Variants in EYA1 observed in about 807,000 individuals in gnomAD.
The protein encoded by EYA1 is EYA transcriptional coactivator and phosphatase 1.
Under a neutral mutation model 82.0 loss-of-function variants are expected in EYA1, and 16 were observed. That is an observed-to-expected ratio of 0.20 (90% CI 0.13 to 0.30). The LOEUF is 0.30. Ranked by LOEUF, EYA1 falls within the 10% of genes least tolerant of loss-of-function variation. The probability of loss-of-function intolerance (pLI) is 1.00; values close to 1 mark genes in which losing one functional copy is unlikely to be tolerated. For missense variants in EYA1, 633 were observed against 730.7 expected, an observed-to-expected ratio of 0.87 and a Z score of 1.54; for synonymous variants, 261 against 264.4, an observed-to-expected ratio of 0.99 and a Z score of 0.12.
chr8:71,500,650 T>C (rs1811746408), intron 2 of EYA1, among the ~76,000 whole-genome samples: 1 of 152,206 alleles, frequency 6.6e-6, no homozygotes, highest in African/African-American at 2.4e-5. Flanking sequence ...AACTTCGATC[T>C]TGATGTATCT....
At chr8:71,442,498 A>G (rs148075388) in intron 2 of EYA1, among the ~76,000 whole-genome samples, 1 of 152,314 alleles carries the variant, frequency 6.6e-6, no homozygotes, top group East Asian at 1.9e-4. Flanking sequence ...GCAGTTTCTG[A>G]TTCCGCTTCA....
chr8:71,213,622 A>T (rs1808807993), intron 16 of EYA1, among the ~76,000 whole-genome samples: 1 of 152,228 alleles, frequency 6.6e-6, no homozygotes, highest in South Asian at 2.1e-4. Flanking sequence ...CTTGGGAAGC[A>T]TCAGTCATTC....
At chr8:71,539,040 A>G (rs141445496) in intron 1 of EYA1, among the ~76,000 whole-genome samples, 1 of 152,206 alleles carries the variant, frequency 6.6e-6, no homozygotes, top group South Asian at 2.1e-4. Flanking sequence ...AGTTGTACAC[A>G]GTGGAATCCT....
intron 2 of EYA1, among the ~76,000 whole-genome samples, chr8:71,431,580 T>C (rs1805619031): frequency 6.6e-6 from 1 of 152,182 alleles, no homozygotes. Context: ...CTTTAAAATA[T>C]GCTAACTGAC....
chr8:71,356,771 T>A (rs1432492897), intron 1 of EYA1: 27 of 1,157,200 alleles, frequency 2.3e-5, no homozygotes, highest in Non-Finnish European at 2.9e-5. Context: ...ATCACTGGCC[T>A]ATGACAGCTG....
At chr8:71,462,979 G>A (rs1317931025) in intron 2 of EYA1, among the ~76,000 whole-genome samples, 1 of 152,166 alleles carries the variant, frequency 6.6e-6, no homozygotes, top group Non-Finnish European at 1.5e-5. Flanking sequence ...GTTTTAAAAA[G>A]TAACAAAGAT....
chr8:71,452,517 C>A (rs1195822415), intron 2 of EYA1, among the ~76,000 whole-genome samples: 1 of 152,176 alleles, frequency 6.6e-6, no homozygotes, highest in Admixed American at 6.5e-5. Context: ...GGAGGCACCC[C>A]CCAGTAGGGG....
intron 2 of EYA1, among the ~76,000 whole-genome samples, chr8:71,445,255 C>T (rs1806789227): frequency 6.6e-6 from 1 of 152,118 alleles, no homozygotes; most frequent in Non-Finnish European, 1.5e-5. Flanking sequence ...ACTACTATTA[C>T]TATACTGAAT....
At chr8:71,309,064 C>A (rs1249398174) in intron 7 of EYA1, among the ~76,000 whole-genome samples, 2 of 152,182 alleles carry the variant, frequency 1.3e-5, no homozygotes, top group Non-Finnish European at 2.9e-5. Flanking sequence ...TTTCCCCCTT[C>A]CTTAGAAGAT....
At chr8:71,540,633 T>C (rs929787431) in intron 1 of EYA1, among the ~76,000 whole-genome samples, 1 of 152,190 alleles carries the variant, frequency 6.6e-6, no homozygotes. Flanking sequence ...ATACATGACA[T>C]GTATTTTAAT....
chr8:71,256,664 A>G (rs1814459297), intron 11 of EYA1, among the ~76,000 whole-genome samples: 1 of 152,194 alleles, frequency 6.6e-6, no homozygotes, highest in Admixed American at 6.5e-5. Flanking sequence ...TATACTTAAA[A>G]TGGTTAAGAA....
chr8:71,330,045 G>A (rs991786708), intron 4 of EYA1, among the ~76,000 whole-genome samples: 6 of 152,078 alleles, frequency 3.9e-5, no homozygotes, highest in Non-Finnish European at 7.4e-5. Context: ...ACTGTGTGGG[G>A]AGCATGTCTA....
intron 9 of EYA1, among the ~76,000 whole-genome samples, chr8:71,288,931 G>A (rs1309822620): frequency 6.6e-6 from 1 of 152,186 alleles, no homozygotes; most frequent in Non-Finnish European, 1.5e-5. Flanking sequence ...AGTCAGATAA[G>A]TTTTAAAAGT....
chr8:71,350,843 A>G (rs1826233282), intron 3 of EYA1, among the ~76,000 whole-genome samples: 1 of 152,206 alleles, frequency 6.6e-6, no homozygotes, highest in Non-Finnish European at 1.5e-5. Context: ...ACCAGCGAAA[A>G]CAAAGATGGA....
intron 2 of EYA1, among the ~76,000 whole-genome samples, chr8:71,480,103 G>GA (rs1050049220): frequency 1.3e-5 from 2 of 151,930 alleles, no homozygotes; most frequent in Admixed American, 6.6e-5. Context: ...GAAGAAGAAA[G>GA]AAAAAAATCC....
chr8:71,283,880 T>C (rs2128974205), intron 9 of EYA1, among the ~76,000 whole-genome samples: 1 of 152,262 alleles, frequency 6.6e-6, no homozygotes, highest in South Asian at 2.1e-4. Flanking sequence ...TCTACCCAGA[T>C]CTGTTTAGGG....
At chr8:71,357,931 T>C (rs1056597905) in intron 1 of EYA1, among the ~76,000 whole-genome samples, 3 of 152,086 alleles carry the variant, frequency 2.0e-5, no homozygotes, top group African/African-American at 7.2e-5. Context: ...TGGTTTCCTT[T>C]AGAAAGTCCA....
intron 2 of EYA1, among the ~76,000 whole-genome samples, chr8:71,382,741 C>T (rs950548816): frequency 1.3e-5 from 2 of 152,002 alleles, no homozygotes; most frequent in African/African-American, 2.4e-5. Flanking sequence ...AATGATTTGG[C>T]AGTCTACACT....
chr8:71,399,978 T>A (rs1057026442), intron 2 of EYA1, among the ~76,000 whole-genome samples: 2 of 151,968 alleles, frequency 1.3e-5, no homozygotes, highest in Non-Finnish European at 2.9e-5. Flanking sequence ...AGAACAGAGA[T>A]CTCAGAAATA....
Sources: allele counts gnomAD v4.1 joint callset (sites outside exome capture counted in the v4.1 genomes callset), GRCh38; gene constraint gnomAD v4.1.1; transcripts MANE v1.5; gene names NCBI Gene and HGNC (gene_info 2026-07-23, HGNC 2026-07-21).